Variants in KALRN observed in about 807,000 individuals in gnomAD.
KALRN encodes the protein kalirin.
In KALRN, 70 loss-of-function variants were observed where a neutral mutation model predicts 353.7. The ratio of observed to expected loss-of-function variants is 0.20; its 90% CI spans 0.16 to 0.24. The LOEUF (loss-of-function observed/expected upper bound fraction) is 0.24. Ranked by LOEUF, KALRN falls within the 10% of genes least tolerant of loss-of-function variation. The pLI, the probability that KALRN is intolerant of heterozygous loss-of-function variation, is 1.00. For synonymous variants in KALRN, 1,391 were observed against 1,434.8 expected (o/e 0.97, Z 0.69); for missense variants, 2,791 against 3,756.7 (o/e 0.74, Z 6.72).
At chr3:124,466,012 A>G (rs1256961789) in intron 25 of KALRN, among the ~76,000 whole-genome samples, 1 of 149,692 alleles carries the variant, frequency 6.7e-6, no homozygotes, top group Non-Finnish European at 1.5e-5. Context: ...AATTGCAACC[A>G]GGATTAGTTC....
chr3:124,306,919 G>A (rs2149272532), intron 6 of KALRN, among the ~76,000 whole-genome samples: 1 of 152,158 alleles, frequency 6.6e-6, no homozygotes, highest in East Asian at 1.9e-4. Context: ...CAAAAATCAA[G>A]GTGAAATAAA....
At chr3:124,278,309 G>T (rs556916597) in intron 5 of KALRN, among the ~76,000 whole-genome samples, 1 of 152,242 alleles carries the variant, frequency 6.6e-6, no homozygotes, top group Admixed American at 6.5e-5. Flanking sequence ...GTGGGGTAGG[G>T]CTGGTGGAGG....
At position 124,482,817 on chromosome 3, in the gene KALRN, C is replaced by G; in HGVS notation, c.4201C>G (p.Gln1401Glu). The G allele has an allele frequency of 1.2e-6, 2 of 1,611,126 alleles. No homozygotes were observed. The highest frequency in any genetic ancestry group is 1.7e-6 in the Non-Finnish European group (2 of 1,177,270). ...GTTCTCATCCCTGCAGGAGATACAA[C>G]AGCGGCATGGTCTGGCCAACTCCAT... ...HAGTFFDEIQ[Q>E]RHGLANSISS... Residue 1401 changes from glutamine (Q) to glutamate (E), a missense_variant, in exon 28 of 60, where the codon CAG (glutamine) becomes GAG (glutamate). This residue lies in a region of KALRN where 54 missense variants were observed against 131.7 expected (regional missense o/e 0.41). Transcript: ENST00000682506.
At chr3:124,153,256 A>G (rs2068457670) in intron 1 of KALRN, among the ~76,000 whole-genome samples, 1 of 118,758 alleles carries the variant, frequency 8.4e-6, no homozygotes, top group Non-Finnish European at 1.7e-5. Context: ...TCCTAATGCT[A>G]TCCCTCCCCC....
rs2150825509 is a variant in KALRN, at chr3:124,717,171, C to T, written c.8277-76C>T. 4.4e-6 allele frequency: 6 copies of T among 1,369,034 alleles called. No individual in the cohort carries two copies. In the South Asian group the frequency reaches 7.7e-5, roughly 18 times the overall value. The allele number at this position is 1,369,034 out of a possible 1,614,324, so 84.8% of individuals were successfully genotyped here. The stretch of plus-strand genomic sequence containing the variant: ...AGTATGAGAGAGTTTAGAGATCTTA[C>T]TGATTTGTACATGTGTTATTTTTCT... On this transcript the variant is annotated intron_variant, in intron 58 of 59. Coordinates refer to ENST00000682506, the MANE Select transcript of KALRN (RefSeq NM_001388419.1).
chr3:124,330,252 A>T (rs866209477), intron 8 of KALRN, among the ~76,000 whole-genome samples: 6,777 of 127,308 alleles, frequency 0.053, 330 homozygotes, highest in East Asian at 0.23. Context: ...TCTCTCACAC[A>T]CACACACACA....
intron 1 of KALRN, among the ~76,000 whole-genome samples, chr3:124,208,424 T>C (rs2076605635): frequency 6.6e-6 from 1 of 152,228 alleles, no homozygotes; most frequent in African/African-American, 2.4e-5. Context: ...AGAATCTTGA[T>C]TTTTAAAGAG....
rs190316626 is a variant in KALRN, at chr3:124,666,502, C to T, written c.6399C>T (p.Ile2133=). The T allele has an allele frequency of 8.1e-6, 13 of 1,614,004 alleles. No homozygotes were observed. Among genetic ancestry groups the T allele is most frequent in the Middle Eastern group, 1.7e-4 (1 of 6,058 alleles). The part of the protein sequence containing the change: ...KLLQQDTFYV[I]ELDAGMQSRT... ...TGCAGCAGGACACATTCTATGTGAT[C>T]GAGCTGGATGCAGGCATGCAGTCCC... is the stretch of plus-strand genomic sequence containing the variant. Residue 2133 remains isoleucine (I), a synonymous_variant, in exon 46 of 60, where the codon ATC becomes ATT. Transcript: ENST00000682506.
chr3:124,231,234 C>T (rs2079119945), intron 2 of KALRN, among the ~76,000 whole-genome samples: 1 of 152,262 alleles, frequency 6.6e-6, no homozygotes, highest in Non-Finnish European at 1.5e-5. Context: ...TGTTATCCAG[C>T]ACTGCCCCAT....
intron 33 of KALRN, among the ~76,000 whole-genome samples, chr3:124,528,408 G>T (rs897736411): frequency 6.6e-6 from 1 of 152,166 alleles, no homozygotes; most frequent in African/African-American, 2.4e-5. Flanking sequence ...CAGGAATATG[G>T]CTCAGTCACA....
intron 10 of KALRN, among the ~76,000 whole-genome samples, chr3:124,366,837 A>AC (rs1200408320): frequency 5.0e-5 from 6 of 120,862 alleles, no homozygotes; most frequent in Non-Finnish European, 8.4e-5. Flanking sequence ...CGGGGGTCTG[A>AC]CCCCCCCACC....
At chr3:124,309,618 A>C (rs1415197913) in intron 6 of KALRN, among the ~76,000 whole-genome samples, 9 of 152,262 alleles carry the variant, frequency 5.9e-5, no homozygotes, top group Admixed American at 5.9e-4. Flanking sequence ...ACACACCACG[A>C]CCAAGTGGGA....
intron 51 of KALRN, among the ~76,000 whole-genome samples, chr3:124,689,418 C>T (rs1329774451): frequency 1.3e-5 from 2 of 152,032 alleles, no homozygotes; most frequent in African/African-American, 4.8e-5. Context: ...GTTGCCCAGG[C>T]TGGTCTTGAA....
At chr3:124,669,426 G>T (rs568354630) in intron 47 of KALRN, among the ~76,000 whole-genome samples, 2 of 152,190 alleles carry the variant, frequency 1.3e-5, no homozygotes, top group Non-Finnish European at 2.9e-5. Flanking sequence ...GCTGGTGAAA[G>T]AATACAGGCT....
chr3:124,580,211 A>T (rs968607540), intron 34 of KALRN, among the ~76,000 whole-genome samples: 2 of 152,210 alleles, frequency 1.3e-5, no homozygotes, highest in African/African-American at 4.8e-5. Flanking sequence ...CACACCCTCC[A>T]GGTGATTCTG....
At chr3:124,338,432 G>A (rs778882795) in intron 9 of KALRN, among the ~76,000 whole-genome samples, 40 of 152,190 alleles carry the variant, frequency 2.6e-4, no homozygotes, top group Non-Finnish European at 3.7e-4. Flanking sequence ...CAGTTCCCAT[G>A]TAGTTGTGTG....
intron 6 of KALRN, among the ~76,000 whole-genome samples, chr3:124,312,229 C>T (rs1002714159): frequency 1.6e-4 from 24 of 152,248 alleles, no homozygotes; most frequent in African/African-American, 5.5e-4. Context: ...GGGGCGATCT[C>T]GGCTCACTGC....
intron 10 of KALRN, among the ~76,000 whole-genome samples, chr3:124,363,420 C>T (rs2084286857): frequency 6.6e-6 from 1 of 152,198 alleles, no homozygotes; most frequent in Admixed American, 6.5e-5. Flanking sequence ...CTCCCCTAAC[C>T]TTGCCAAGCC....
intron 5 of KALRN, among the ~76,000 whole-genome samples, chr3:124,278,074 A>G (rs1406147080): frequency 6.6e-6 from 1 of 151,684 alleles, no homozygotes; most frequent in Non-Finnish European, 1.5e-5. Context: ...ATTCGTCAAC[A>G]GACATTGAGT....
Sources: allele counts gnomAD v4.1 joint callset (sites outside exome capture counted in the v4.1 genomes callset), GRCh38; gene constraint gnomAD v4.1.1; regional missense constraint gnomAD v4.1.1; transcripts MANE v1.5; gene names NCBI Gene and HGNC (gene_info 2026-07-23, HGNC 2026-07-21).